The following SYNE2 variants were observed in gnomAD, a reference collection of about 807,000 sequenced individuals.
SYNE2 encodes nesprin-2.
A neutral mutation model predicts 856.3 loss-of-function variants in SYNE2; 431 were observed. The ratio of observed to expected loss-of-function variants is 0.50; its 90% CI spans 0.47 to 0.55. The LOEUF (loss-of-function observed/expected upper bound fraction) is 0.55, where lower values mean the gene tolerates loss of function less well. SYNE2 is among the 20% of genes least tolerant of loss of function. The probability of loss-of-function intolerance (pLI) is 0.00; values close to 1 mark genes in which losing one functional copy is unlikely to be tolerated. For missense variants in SYNE2, 8,129 were observed against 8,023.2 expected (o/e 1.01, Z -0.50); for synonymous variants, 2,923 against 2,872.3 (o/e 1.02, Z -0.56).
chr14:64,111,495 G>T (rs939275716), intron 65 of SYNE2, among the ~76,000 whole-genome samples: 4 of 151,488 alleles, frequency 2.6e-5, no homozygotes, highest in African/African-American at 9.7e-5. Context: ...CACAACTGTT[G>T]CTTTTTTTAA....
At chr14:64,169,808 G>A (rs1384215710) in intron 93 of SYNE2, among the ~76,000 whole-genome samples, 1 of 152,190 alleles carries the variant, frequency 6.6e-6, no homozygotes. Flanking sequence ...GAACTGTTGA[G>A]TAGCTGCAAT....
In SYNE2 at chr14:63,942,128, T is replaced by C; in HGVS notation, c.393T>C (p.Ile131=). ...TTATCCTTGGCCTAATTTGGACAAT[T>C]ATCCTGCACTTTCATGTAAGTAGTT... The part of the protein sequence containing the change: ...PSIILGLIWT[I]ILHFHIEKLA... Residue 131 remains isoleucine (I), a synonymous_variant, in exon 6 of 116, where the codon ATT becomes ATC. Coordinates refer to ENST00000555002, the MANE Select transcript of SYNE2 (RefSeq NM_182914.3). 1 of 1,592,864 alleles carries C rather than the reference T, an allele frequency of 6.3e-7. No individual in the cohort carries two copies. The highest frequency in any genetic ancestry group is 8.6e-7 in the Non-Finnish European group (1 of 1,161,856).
intron 64 of SYNE2, among the ~76,000 whole-genome samples, chr14:64,106,286 T>C (rs2097771127): frequency 6.6e-6 from 1 of 152,176 alleles, no homozygotes; most frequent in South Asian, 2.1e-4. Flanking sequence ...GACTTGCTTG[T>C]TCCTACCATT....
chr14:64,012,550 T>C (rs1446914219), intron 32 of SYNE2, among the ~76,000 whole-genome samples: 1 of 152,244 alleles, frequency 6.6e-6, no homozygotes, highest in African/African-American at 2.4e-5. Flanking sequence ...CTCTGCTTTG[T>C]CTGTACTCCT....
intron 12 of SYNE2, among the ~76,000 whole-genome samples, chr14:63,977,000 AG>A (rs2096548583): frequency 6.6e-6 from 1 of 150,398 alleles, no homozygotes; most frequent in South Asian, 2.2e-4. Context: ...AAAAAGGTCA[AG>A]GGGTGGGAGG....
Position 64,141,354 on chromosome 14 carries a change from A to T in SYNE2, c.14990A>T (p.Glu4997Val). ...ACTCTCCTTTAGGAGTTTTCAAAAG[A>T]AGTTGATGAAAAATCCTCCTTGAAG... is the stretch of plus-strand genomic sequence containing the variant. ...NINNFFEFSK[E>V]VDEKSSLKTA... Residue 4997 changes from glutamate to valine, a missense_variant, in exon 81 of 116, where the codon GAA (glutamate) becomes GTA (valine). By Grantham distance (121) the Glu-to-Val change is moderately radical (BLOSUM62 -2). Coordinates refer to ENST00000555002, the MANE Select transcript of SYNE2 (RefSeq NM_182914.3). 1 of 1,613,124 alleles carries T rather than the reference A, an allele frequency of 6.2e-7. No individual in the cohort carries two copies. The highest frequency in any genetic ancestry group is 8.5e-7 in the Non-Finnish European group (1 of 1,179,734).
intron 49 of SYNE2, among the ~76,000 whole-genome samples, chr14:64,059,720 C>T (rs2097301562): frequency 1.3e-5 from 2 of 152,244 alleles, no homozygotes; most frequent in Non-Finnish European, 2.9e-5. Flanking sequence ...CTACAATCAA[C>T]AGGAGATGAA....
intron 71 of SYNE2, among the ~76,000 whole-genome samples, chr14:64,126,119 C>T (rs189866996): frequency 2.0e-5 from 3 of 152,274 alleles, no homozygotes; most frequent in East Asian, 1.9e-4. Context: ...AACTACCTAA[C>T]GTTGAGCTTC....
intron 2 of SYNE2, among the ~76,000 whole-genome samples, chr14:63,936,957 G>T (rs547418894): frequency 6.6e-6 from 1 of 152,164 alleles, no homozygotes; most frequent in African/African-American, 2.4e-5. Flanking sequence ...GATATGAAAC[G>T]TGAGAGAAAG....
In SYNE2 at chr14:64,107,546, C is replaced by G; in HGVS notation, c.12548C>G (p.Pro4183Arg). ...AATTCCATGGCACAAATCCTCACAC[C>G]AGACTCACTAAACACTGAGCAAGGC... Reference protein sequence around the residue: ...SDNSMAQILTPDSLNTEQGPE... With the variant: ...SDNSMAQILTRDSLNTEQGPE... Residue 4183 changes from proline (P) to arginine (R), a missense_variant, in exon 65 of 116, where the codon CCA becomes CGA. This residue lies in a region of SYNE2 where 5,410 missense variants were observed against 5,284.8 expected (regional missense o/e 1.02). Transcript: ENST00000555002. 2 of 1,614,094 alleles carry G rather than the reference C, an allele frequency of 1.2e-6. No homozygotes were observed. Among genetic ancestry groups the G allele is most frequent in the Non-Finnish European group, 1.7e-6 (2 of 1,180,028 alleles).
At chr14:63,950,049 G>C in intron 7 of SYNE2, 43 bp downstream of exon 7, 1 of 1,604,880 alleles carries the variant, frequency 6.2e-7, no homozygotes. Context: ...CAGGGCAGCT[G>C]TATCAACCAA....
intron 107 of SYNE2, 36 bp downstream of exon 107, chr14:64,215,390 C>T: frequency 1.2e-6 from 2 of 1,600,172 alleles, no homozygotes; most frequent in Admixed American, 1.7e-5. Flanking sequence ...AACATGGCAG[C>T]ATCCTGTGGC....
intron 16 of SYNE2, among the ~76,000 whole-genome samples, chr14:63,981,909 T>C (rs1218317500): frequency 6.6e-6 from 1 of 152,204 alleles, no homozygotes; most frequent in East Asian, 1.9e-4. Flanking sequence ...ATCACTTCTG[T>C]TACCTGTATT....
intron 1 of SYNE2, among the ~76,000 whole-genome samples, chr14:63,786,929 G>A (rs2007726): frequency 0.63 from 95,975 of 151,734 alleles, 30,814 homozygotes; most frequent in South Asian, 0.75. Flanking sequence ...TGCCTGTCTA[G>A]CTTTTGTATT....
At chr14:64,070,261 A>C (rs1003298726) in intron 51 of SYNE2, among the ~76,000 whole-genome samples, 6 of 152,162 alleles carry the variant, frequency 3.9e-5, no homozygotes, top group African/African-American at 1.4e-4. Flanking sequence ...CCAGCAGAAA[A>C]ATTTTCCATA....
chr14:63,951,143 C>T lies in SYNE2; in HGVS notation c.590+1137C>T, dbSNP rs189232493. Among the ~76,000 whole-genome samples, 6 of 152,068 alleles carry T rather than the reference C, an allele frequency of 3.9e-5. No homozygotes were observed. The East Asian group carries it at 1.2e-3, about 29-fold the overall frequency. On this transcript the variant is annotated intron_variant, in intron 7 of 115. Transcript: ENST00000555002. ...GATTCAGGAGATCTCTCTACTAGAA[C>T]AGCTGTCGAGTTCAAAAGGCATTTC...
chr14:63,980,503 C>G, intron 14 of SYNE2, 151 bp from the exon 15 acceptor site: 1 of 594,490 alleles, frequency 1.7e-6, no homozygotes, highest in East Asian at 2.9e-5. Flanking sequence ...CACCATCCTT[C>G]TTCCTGTTTT....
upstream of SYNE2, chr14:63,848,462 A>G (rs1890303759): frequency 6.6e-6 from 1 of 152,146 alleles, no homozygotes; most frequent in Admixed American, 6.5e-5. Flanking sequence ...AGAAATGTTA[A>G]TGTCTCTTAT....
chr14:64,224,385 G>A, intron 113 of SYNE2, 76 bp from the exon 114 acceptor site: 2 of 1,298,250 alleles, frequency 1.5e-6, no homozygotes, highest in Admixed American at 1.7e-5. Flanking sequence ...ATTTAAGGTA[G>A]GGGAGGGTGA....
Sources: gnomAD v4.1 joint callset for allele counts (sites outside exome capture counted in the v4.1 genomes callset) on GRCh38, gnomAD v4.1.1 for gene constraint, gnomAD v4.1.1 regional missense constraint, MANE v1.5 for transcripts, NCBI Gene and HGNC (gene_info 2026-07-23, HGNC 2026-07-21) for gene names.